The following RSU1 variants were observed in gnomAD, a reference collection of about 807,000 sequenced individuals.
The protein encoded by RSU1 is rsu-1.
In RSU1, 26 loss-of-function variants were observed where a neutral mutation model predicts 31.1. That is an observed-to-expected ratio of 0.84 (90% CI 0.61 to 1.16). RSU1 has a LOEUF of 1.16. Ranked by LOEUF, RSU1 falls within the 50% of genes most tolerant of loss-of-function variation. The pLI, the probability that RSU1 is intolerant of heterozygous loss-of-function variation, is 0.00. For synonymous variants in RSU1, 164 were observed against 136.3 expected, an observed-to-expected ratio of 1.20 and a Z score of -1.41; for missense variants, 320 against 339.1, an observed-to-expected ratio of 0.94 and a Z score of 0.44.
intron 2 of RSU1, among the ~76,000 whole-genome samples, chr10:16,791,635 C>CAAAAAAAAAA (rs553951655): frequency 7.1e-5 from 7 of 98,464 alleles, no homozygotes; most frequent in South Asian, 3.5e-4. Context: ...CTCAAAAAAA[C>CAAAAAAAAAA]AAAAAAAAAA....
At chr10:16,714,042 T>C (rs944664785) in intron 7 of RSU1, among the ~76,000 whole-genome samples, 6 of 152,118 alleles carry the variant, frequency 3.9e-5, no homozygotes, top group African/African-American at 1.2e-4. Context: ...AGTAGGGGTG[T>C]TGGGCTGGCT....
At chr10:16,714,010 C>T (rs939995521) in intron 7 of RSU1, among the ~76,000 whole-genome samples, 13 of 151,984 alleles carry the variant, frequency 8.6e-5, no homozygotes, top group African/African-American at 2.9e-4. Context: ...TTGTGGTGGT[C>T]GTAGTGTGTG....
intron 8 of RSU1, among the ~76,000 whole-genome samples, chr10:16,628,319 A>T (rs1834192934): frequency 6.6e-6 from 1 of 152,246 alleles, no homozygotes; most frequent in African/African-American, 2.4e-5. Context: ...AGACTATGTC[A>T]TCTTCCTCCA....
At chr10:16,804,727 T>C (rs556844843) in intron 2 of RSU1, among the ~76,000 whole-genome samples, 17 of 152,318 alleles carry the variant, frequency 1.1e-4, no homozygotes, top group African/African-American at 3.8e-4. Context: ...AGAGGCTATA[T>C]ACCCTACGAT....
At chr10:16,743,965 TAA>T (rs2131612691) in intron 7 of RSU1, among the ~76,000 whole-genome samples, 1 of 151,746 alleles carries the variant, frequency 6.6e-6, no homozygotes, top group South Asian at 2.1e-4. Context: ...ACTCAATCTC[TAA>T]AAAAGTTAAA....
At chr10:16,740,043 G>A (rs1295997044) in intron 7 of RSU1, among the ~76,000 whole-genome samples, 1 of 151,984 alleles carries the variant, frequency 6.6e-6, no homozygotes, top group Admixed American at 6.5e-5. Flanking sequence ...GACCCAGATG[G>A]CGTCAATAAT....
chr10:16,701,635 A>C (rs554538743), intron 7 of RSU1, among the ~76,000 whole-genome samples: 47 of 151,428 alleles, frequency 3.1e-4, no homozygotes, highest in East Asian at 1.5e-3. Context: ...CACACACACA[A>C]AAAGATTTAA....
At position 16,593,097 on chromosome 10, in the gene RSU1, T is replaced by C. The variant is rs1339064024; in HGVS notation, c.*297A>G. The C allele has an allele frequency of 3.7e-6, 1 of 272,398 alleles. No individual in the cohort carries two copies. The highest frequency in any genetic ancestry group is 6.9e-6 in the Non-Finnish European group (1 of 145,648). 16.9% of individuals were successfully genotyped at this position (272,398 alleles called of 1,614,324 possible). A position where few individuals can be genotyped will look rare whatever the true frequency, so the allele number is the denominator to read the frequency against. On this transcript the variant is annotated 3_prime_UTR_variant, in exon 9 of 9. Transcript: ENST00000345264. Reference sequence around the variant, plus strand: ...ATTCTTTTGATAATAAGCAACCTTGTGATATCTATTCAAGAAAAGCCAGAG... The same window carrying C: ...ATTCTTTTGATAATAAGCAACCTTGCGATATCTATTCAAGAAAAGCCAGAG...
At position 16,817,083 on chromosome 10, in the gene RSU1, G is replaced by T; in HGVS notation, c.-2C>A. 1 of 1,608,920 alleles carries T rather than the reference G, an allele frequency of 6.2e-7. No individual in the cohort carries two copies. The highest frequency in any genetic ancestry group is 8.5e-7 in the Non-Finnish European group (1 of 1,175,194). On this transcript the variant is annotated splice_region_variant and 5_prime_UTR_variant, in exon 2 of 9. Coordinates refer to ENST00000345264, the MANE Select transcript of RSU1 (RefSeq NM_012425.4). The stretch of plus-strand genomic sequence containing the variant: ...CAACTTCTTCAGAGACTTGGACATG[G>T]TCTGCACCGAACAACAACAAAGCAC...
At chr10:16,716,115 A>G (rs1038403786) in intron 7 of RSU1, among the ~76,000 whole-genome samples, 4 of 152,236 alleles carry the variant, frequency 2.6e-5, no homozygotes, top group Non-Finnish European at 5.9e-5. Flanking sequence ...ATTCTTGATG[A>G]AAATCATCAC....
Position 16,695,070 on chromosome 10 carries a change from A to G in RSU1, c.684T>C (p.Leu228=). The stretch of plus-strand genomic sequence containing the variant: ...TATACTCAAAAACATGGGACACGCC[A>G]AGCTGGAACTGGTCTGCAATGGGGG... The part of the protein sequence containing the change: ...WVTPIADQFQ[L]GVSHVFEYIR... The change falls in exon 8 of 9, where the codon CTT becomes CTC. Residue 228 remains leucine, a synonymous_variant. Coordinates refer to ENST00000345264, the MANE Select transcript of RSU1 (RefSeq NM_012425.4). 1 of 1,610,396 alleles carries G rather than the reference A, an allele frequency of 6.2e-7. No individual in the cohort carries two copies. Among genetic ancestry groups the G allele is most frequent in the Non-Finnish European group, 8.5e-7 (1 of 1,178,032 alleles).
chr10:16,781,268 C>T (rs1182030741), intron 3 of RSU1, among the ~76,000 whole-genome samples: 1 of 152,074 alleles, frequency 6.6e-6, no homozygotes, highest in Admixed American at 6.6e-5. Flanking sequence ...GAAAACGGCC[C>T]ATCATGCACA....
intron 5 of RSU1, among the ~76,000 whole-genome samples, chr10:16,753,407 G>A (rs1837018893): frequency 6.6e-6 from 1 of 152,190 alleles, no homozygotes; most frequent in African/African-American, 2.4e-5. Context: ...GTTCTTTCAA[G>A]AGAATACAGC....
At chr10:16,647,027 G>T (rs561649072) in intron 8 of RSU1, among the ~76,000 whole-genome samples, 2 of 151,980 alleles carry the variant, frequency 1.3e-5, no homozygotes, top group African/African-American at 4.8e-5. Context: ...CTCCAGGCTG[G>T]AGTGCAGTGG....
intron 2 of RSU1, among the ~76,000 whole-genome samples, chr10:16,811,938 G>A (rs1838418293): frequency 6.6e-6 from 1 of 152,212 alleles, no homozygotes. Context: ...GGTCAGAACT[G>A]AGTATTCTCG....
intron 2 of RSU1, among the ~76,000 whole-genome samples, chr10:16,799,897 C>G (rs903553874): frequency 6.6e-6 from 1 of 152,142 alleles, no homozygotes; most frequent in Non-Finnish European, 1.5e-5. Flanking sequence ...CCAAGTGGCA[C>G]AGGCTCACTA....
At chr10:16,719,076 G>A (rs1416160391) in intron 7 of RSU1, among the ~76,000 whole-genome samples, 1 of 152,022 alleles carries the variant, frequency 6.6e-6, no homozygotes, top group African/African-American at 2.4e-5. Context: ...ATTGCTTGAA[G>A]GCAGGAGGAT....
chr10:16,662,087 T>A (rs542770001), intron 8 of RSU1, among the ~76,000 whole-genome samples: 3 of 152,354 alleles, frequency 2.0e-5, no homozygotes, highest in South Asian at 4.1e-4. Flanking sequence ...TAGAGATGGT[T>A]AAAATTAGTT....
At chr10:16,753,988 T>G (rs1322526070) in intron 5 of RSU1, among the ~76,000 whole-genome samples, 1 of 152,186 alleles carries the variant, frequency 6.6e-6, no homozygotes, top group Non-Finnish European at 1.5e-5. Context: ...CTTGAACTCC[T>G]AGCCTCAAGT....
Sources: gnomAD v4.1 joint callset for allele counts (sites outside exome capture counted in the v4.1 genomes callset) on GRCh38, gnomAD v4.1.1 for gene constraint, MANE v1.5 for transcripts, NCBI Gene and HGNC (gene_info 2026-07-23, HGNC 2026-07-21) for gene names.